Variants in GPBP1L1 observed in about 807,000 individuals in gnomAD.
GPBP1L1 encodes GC-rich promoter binding protein 1 like 1.
GPBP1L1 carries 23 observed loss-of-function variants against 52.5 expected under a neutral mutation model. The observed-to-expected ratio is 0.44, with a 90% CI of 0.32 to 0.62. GPBP1L1 has a LOEUF of 0.62. Among genes scored for constraint, GPBP1L1 ranks in the 20% least tolerant of loss-of-function variants. GPBP1L1 has a pLI of 0.06. For synonymous variants in GPBP1L1, 243 were observed against 203.1 expected (o/e 1.20, Z -1.67); for missense variants, 596 against 579.3 (o/e 1.03, Z -0.30).
At chr1:45,667,799 G>A (rs1331043583) in intron 2 of GPBP1L1, among the ~76,000 whole-genome samples, 1 of 152,170 alleles carries the variant, frequency 6.6e-6, no homozygotes, top group Non-Finnish European at 1.5e-5. Context: ...CCAGGCTGGA[G>A]TACAATGGCT....
At chr1:45,655,600 C>T (rs1049666014) in intron 4 of GPBP1L1, 3 of 243,618 alleles carry the variant, frequency 1.2e-5, no homozygotes, top group Non-Finnish European at 1.6e-5. Context: ...AAAAGCCTTG[C>T]AAATATTCAT....
chr1:45,670,862 G>T (rs1300907627), intron 2 of GPBP1L1, among the ~76,000 whole-genome samples: 3 of 140,670 alleles, frequency 2.1e-5, no homozygotes, highest in African/African-American at 8.0e-5. Flanking sequence ...GTGTGATCTC[G>T]GCTCACTGCA....
In GPBP1L1 at chr1:45,660,747, C is replaced by T. The variant is rs1056265056; in HGVS notation, c.-619G>A. On this transcript the variant is annotated 5_prime_UTR_variant, in exon 3 of 13. Transcript: ENST00000355105. ...ACAAATCTCATTACTCTTACTCATG[C>T]AACTGCTAAAAAATAGTGTGCAGAT... 3 of 157,546 alleles carry T rather than the reference C, an allele frequency of 1.9e-5. No homozygotes were observed. Among genetic ancestry groups the T allele is most frequent in the African/African-American group, 7.2e-5 (3 of 41,484 alleles). 9.8% of individuals were successfully genotyped at this position (157,546 alleles called of 1,614,324 possible).
intron 4 of GPBP1L1, 31 bp from the exon 5 acceptor site, chr1:45,655,350 G>C: frequency 1.9e-6 from 3 of 1,611,594 alleles, no homozygotes; most frequent in Non-Finnish European, 2.5e-6. Context: ...GAGGCAAATG[G>C]ATAAATAGCT....
In GPBP1L1 at chr1:45,654,440, T is replaced by C. The variant is rs952715166; in HGVS notation, c.477+103A>G. The C allele has an allele frequency of 6.1e-6, 7 of 1,150,312 alleles. No individual in the cohort carries two copies. In the African/African-American group the frequency reaches 7.8e-5, roughly 13 times the overall value. 71.3% of individuals were successfully genotyped at this position (1,150,312 alleles called of 1,614,324 possible). On this transcript the variant is annotated intron_variant, in intron 6 of 12. Coordinates refer to ENST00000355105, the MANE Select transcript of GPBP1L1 (RefSeq NM_021639.5). Reference sequence around the variant, plus strand: ...ACAATAAAAACCTCAACTTACAAATTCCTTTTTCTGTAATTTCTGAAATGT... The same window carrying C: ...ACAATAAAAACCTCAACTTACAAATCCCTTTTTCTGTAATTTCTGAAATGT...
intron 6 of GPBP1L1, among the ~76,000 whole-genome samples, chr1:45,653,895 C>A (rs1217018065): frequency 6.6e-6 from 1 of 151,928 alleles, no homozygotes; most frequent in East Asian, 1.9e-4. Context: ...TATGGGGTTT[C>A]ACCATGTTGG....
In GPBP1L1 at chr1:45,628,406, C is replaced by T. The variant is rs1310529639; in HGVS notation, c.1275G>A (p.Leu425=). Residue 425 remains leucine (L), a splice_region_variant and synonymous_variant, in exon 13 of 13, where the codon CTG becomes CTA. Coordinates refer to ENST00000355105, the MANE Select transcript of GPBP1L1 (RefSeq NM_021639.5). The stretch of plus-strand genomic sequence containing the variant: ...CATTCTTTCCAAAGCCATTTCTTCT[C>T]AGCTATGGTTAGCATGGGAGAGAAA... The part of the protein sequence containing the change: ...LKEFHMKTEQ[L]RRNGFGKNGF... The T allele has an allele frequency of 1.2e-5, 19 of 1,613,652 alleles. No individual in the cohort carries two copies. Among genetic ancestry groups the T allele is most frequent in the Non-Finnish European group, 1.5e-5 (18 of 1,179,954 alleles).
intron 2 of GPBP1L1, among the ~76,000 whole-genome samples, chr1:45,662,300 C>T (rs550089162): frequency 6.6e-6 from 1 of 152,238 alleles, no homozygotes; most frequent in African/African-American, 2.4e-5. Context: ...CACCATCATG[C>T]CCATCTAATT....
intron 3 of GPBP1L1, among the ~76,000 whole-genome samples, chr1:45,659,894 T>C (rs1340721258): frequency 1.3e-5 from 2 of 152,062 alleles, no homozygotes; most frequent in African/African-American, 2.4e-5. Flanking sequence ...TGAGCTGAGA[T>C]TGCACCACTG....
At chr1:45,640,495 A>G in intron 7 of GPBP1L1, 92 bp from the exon 8 acceptor site, 1 of 995,586 alleles carries the variant, frequency 1.0e-6, no homozygotes, top group Non-Finnish European at 1.6e-6. Context: ...TCAACAAAAC[A>G]GCTGACAGTT....
chr1:45,642,771 G>A (rs527498893), intron 6 of GPBP1L1, among the ~76,000 whole-genome samples: 155 of 152,258 alleles, frequency 1.0e-3, no homozygotes, highest in African/African-American at 3.6e-3. Flanking sequence ...CTAAATGTGC[G>A]AATTCCCACT....
chr1:45,669,381 C>T (rs1414977185), intron 2 of GPBP1L1, among the ~76,000 whole-genome samples: 1 of 152,180 alleles, frequency 6.6e-6, no homozygotes, highest in Admixed American at 6.5e-5. Context: ...AAACTCCTGG[C>T]CTCAAGGGGC....
chr1:45,649,022 C>A (rs1254994435), intron 6 of GPBP1L1, among the ~76,000 whole-genome samples: 1 of 152,182 alleles, frequency 6.6e-6, no homozygotes, highest in Non-Finnish European at 1.5e-5. Flanking sequence ...AAGAGTGAAT[C>A]TCTGTCTCAA....
At chr1:45,646,491 A>G (rs1027603110) in intron 6 of GPBP1L1, among the ~76,000 whole-genome samples, 1 of 151,936 alleles carries the variant, frequency 6.6e-6, no homozygotes, top group South Asian at 2.1e-4. Context: ...CATCCTGGCT[A>G]TCCTTTCAAT....
At chr1:45,655,538 A>G in intron 4 of GPBP1L1, 1 of 409,976 alleles carries the variant, frequency 2.4e-6, no homozygotes, top group South Asian at 4.1e-5. Flanking sequence ...ATTCCAGGAG[A>G]GGAGAAAAGC....
intron 4 of GPBP1L1, among the ~76,000 whole-genome samples, chr1:45,657,118 G>A (rs974554361): frequency 1.3e-5 from 2 of 152,096 alleles, no homozygotes; most frequent in Non-Finnish European, 2.9e-5. Flanking sequence ...TAAGTTCACG[G>A]TGCTAAAACA....
chr1:45,652,208 G>C (rs1644827530), intron 6 of GPBP1L1, among the ~76,000 whole-genome samples: 1 of 152,136 alleles, frequency 6.6e-6, no homozygotes. Flanking sequence ...TCCCCCAGCG[G>C]GCAAACTTGC....
At chr1:45,658,556 C>T (rs1644910390) in intron 4 of GPBP1L1, among the ~76,000 whole-genome samples, 1 of 152,224 alleles carries the variant, frequency 6.6e-6, no homozygotes, top group South Asian at 2.1e-4. Context: ...TGCCTAATTA[C>T]TTACATCCTT....
chr1:45,678,043 A>G (rs553682828), intron 2 of GPBP1L1, among the ~76,000 whole-genome samples: 32 of 152,354 alleles, frequency 2.1e-4, no homozygotes, highest in African/African-American at 7.7e-4. Flanking sequence ...ATTATGCTAC[A>G]TGAAAGAAGC....
Sources: allele counts gnomAD v4.1 joint callset (sites outside exome capture counted in the v4.1 genomes callset), GRCh38; gene constraint gnomAD v4.1.1; transcripts MANE v1.5; gene names NCBI Gene and HGNC (gene_info 2026-07-23, HGNC 2026-07-21).